MAD1L1: variants seen among roughly 807,000 people sequenced by gnomAD.
MAD1L1 encodes mitotic arrest deficient 1 like 1, also known as mitotic spindle assembly checkpoint protein MAD1.
Under a neutral mutation model 96.9 loss-of-function variants are expected in MAD1L1, and 95 were observed. The ratio of observed to expected loss-of-function variants is 0.98; its 90% CI spans 0.83 to 1.16. The LOEUF is 1.16. Among genes scored for constraint, MAD1L1 ranks in the 50% most tolerant of loss-of-function variants. MAD1L1 has a pLI of 0.00. For missense variants in MAD1L1, 1,007 were observed against 954.4 expected (o/e 1.06, Z -0.73); for synonymous variants, 473 against 396.6 (o/e 1.19, Z -2.29).
chr7:1,966,028 G>C (rs1780152699), intron 15 of MAD1L1, among the ~76,000 whole-genome samples: 1 of 152,168 alleles, frequency 6.6e-6, no homozygotes, highest in Non-Finnish European at 1.5e-5. Context: ...GAGAGCTGAG[G>C]GCGTCCCTGG....
intron 11 of MAD1L1, among the ~76,000 whole-genome samples, chr7:2,080,961 A>G (rs1584272336): frequency 6.6e-6 from 1 of 151,566 alleles, no homozygotes; most frequent in African/African-American, 2.4e-5. Context: ...GGCCTCATTA[A>G]CCCTCAGCTG....
At chr7:2,227,454 G>C (rs992666511) in intron 3 of MAD1L1, among the ~76,000 whole-genome samples, 1 of 152,186 alleles carries the variant, frequency 6.6e-6, no homozygotes, top group Non-Finnish European at 1.5e-5. Flanking sequence ...ATTGTCACAG[G>C]GGGGTGGTCA....
intron 12 of MAD1L1, among the ~76,000 whole-genome samples, chr7:2,049,535 C>T (rs947987766): frequency 3.3e-5 from 5 of 152,190 alleles, no homozygotes; most frequent in Non-Finnish European, 7.3e-5. Flanking sequence ...TTCAAAGAGG[C>T]GGTAGGAGGA....
At chr7:2,231,353 C>T (rs542877212) in intron 1 of MAD1L1, among the ~76,000 whole-genome samples, 9 of 152,104 alleles carry the variant, frequency 5.9e-5, no homozygotes, top group African/African-American at 2.2e-4. Flanking sequence ...GGCACTGTTG[C>T]TCATGCCTGT....
At chr7:2,145,993 C>T (rs755514742) in intron 11 of MAD1L1, among the ~76,000 whole-genome samples, 5 of 152,176 alleles carry the variant, frequency 3.3e-5, no homozygotes, top group Non-Finnish European at 4.4e-5. Flanking sequence ...CTGTTCCGCA[C>T]ATCAGATCAG....
intron 18 of MAD1L1, chr7:1,829,507 G>A (rs534605065): frequency 1.3e-5 from 2 of 152,362 alleles, no homozygotes; most frequent in South Asian, 4.1e-4. Flanking sequence ...TGTGGCTGGT[G>A]AGGTCTCTGA....
intron 10 of MAD1L1, among the ~76,000 whole-genome samples, chr7:2,191,529 G>A (rs953233146): frequency 3.9e-5 from 6 of 152,132 alleles, no homozygotes; most frequent in Non-Finnish European, 5.9e-5. Flanking sequence ...TCAGGAGTTC[G>A]AGACCAGTCT....
chr7:1,938,551 G>A (rs1475904492), intron 16 of MAD1L1, among the ~76,000 whole-genome samples: 1 of 151,364 alleles, frequency 6.6e-6, no homozygotes. Flanking sequence ...AACATACGAA[G>A]AAGTCAGAAA....
At chr7:2,161,980 G>A (rs1408912761) in intron 10 of MAD1L1, among the ~76,000 whole-genome samples, 3 of 143,242 alleles carry the variant, frequency 2.1e-5, no homozygotes, top group East Asian at 2.3e-4. Flanking sequence ...GGTGGGGGGC[G>A]GCCCCCGCCC....
In MAD1L1 at chr7:2,146,438, CCT is replaced by C. The variant is rs942546823; in HGVS notation, c.1073+2712_1073+2713del. On this transcript the variant is annotated intron_variant, in intron 11 of 18. Transcript: ENST00000265854. The surrounding 1 kb of genome is among the most constrained non-coding windows in gnomAD (Gnocchi z 6.2). ...GAGGAACAGGGCAGTGGAGCCGCAC[CCT>C]GAGAAGCTCCTCAGATGGCGAGAAC... 6.6e-6 allele frequency among the ~76,000 whole-genome samples: 1 copy of C among 152,172 alleles called. No homozygotes were observed. Among genetic ancestry groups the C allele is most frequent in the Non-Finnish European group, 1.5e-5 (1 of 68,030 alleles).
At chr7:1,969,454 C>A (rs1354575359) in intron 15 of MAD1L1, among the ~76,000 whole-genome samples, 1 of 152,170 alleles carries the variant, frequency 6.6e-6, no homozygotes, top group Non-Finnish European at 1.5e-5. Flanking sequence ...AGGCTAAAAG[C>A]TTTTCCCCTA....
At chr7:2,166,474 C>G (rs776700753) in intron 10 of MAD1L1, among the ~76,000 whole-genome samples, 28 of 143,180 alleles carry the variant, frequency 2.0e-4, no homozygotes, top group Admixed American at 9.2e-4. Flanking sequence ...TTGAACTGTT[C>G]AAGCTAAAAA....
At chr7:2,109,250 G>A (rs1787253688) in intron 11 of MAD1L1, among the ~76,000 whole-genome samples, 1 of 152,182 alleles carries the variant, frequency 6.6e-6, no homozygotes, top group Non-Finnish European at 1.5e-5. Context: ...CCCGGGCCTC[G>A]GCTTCTTCTT....
At chr7:1,890,765 TCAC>T (rs1786488796) in intron 18 of MAD1L1, among the ~76,000 whole-genome samples, 2 of 152,270 alleles carry the variant, frequency 1.3e-5, no homozygotes, top group Non-Finnish European at 2.9e-5. Context: ...GAAGGGGTGC[TCAC>T]GGGCCCCACT....
intron 10 of MAD1L1, among the ~76,000 whole-genome samples, chr7:2,160,656 A>G (rs34513550): frequency 0.14 from 21,609 of 151,682 alleles, 1,806 homozygotes; most frequent in Middle Eastern, 0.28. Context: ...TTTTTGAGAC[A>G]GAGGCTCGCT....
chr7:2,062,491 C>T (rs1422554177), intron 12 of MAD1L1, among the ~76,000 whole-genome samples: 1 of 151,922 alleles, frequency 6.6e-6, no homozygotes, highest in Non-Finnish European at 1.5e-5. Flanking sequence ...AACAGAATTG[C>T]TTGAACCTGG....
At chr7:1,999,073 C>T (rs1263975931) in intron 14 of MAD1L1, among the ~76,000 whole-genome samples, 1 of 152,084 alleles carries the variant, frequency 6.6e-6, no homozygotes, top group African/African-American at 2.4e-5. Flanking sequence ...CACTAACCCG[C>T]TCACTGAAGC....
chr7:2,084,149 C>T lies in MAD1L1; in HGVS notation c.1074-14811G>A, dbSNP rs145837823. On this transcript the variant is annotated intron_variant, in intron 11 of 18. Transcript: ENST00000265854. ...CTGGCAGGGTGTGCGGTGGACACTCCGCAGGATCTGGAAGACTTGGGTCAA... is the reference window on the plus strand; with the variant it reads ...CTGGCAGGGTGTGCGGTGGACACTCTGCAGGATCTGGAAGACTTGGGTCAA... Among the ~76,000 whole-genome samples, 620 of 152,348 alleles carry T rather than the reference C, an allele frequency of 4.1e-3. 4 individuals are homozygous for T. Among genetic ancestry groups the T allele is most frequent in the Non-Finnish European group, 5.6e-3 (381 of 68,030 alleles).
intron 18 of MAD1L1, among the ~76,000 whole-genome samples, chr7:1,825,025 G>A (rs1057069196): frequency 6.6e-5 from 10 of 152,108 alleles, no homozygotes; most frequent in Non-Finnish European, 8.8e-5. Context: ...TGTTAATGGC[G>A]GTTAACTCGG....
Sources: allele counts gnomAD v4.1 joint callset (sites outside exome capture counted in the v4.1 genomes callset), GRCh38; gene constraint gnomAD v4.1.1; non-coding constraint Gnocchi (gnomAD v3.1); transcripts MANE v1.5; gene names NCBI Gene and HGNC (gene_info 2026-07-23, HGNC 2026-07-21).